CTNND2: variants seen among roughly 807,000 people sequenced by gnomAD.
CTNND2 encodes the protein catenin delta 2.
A neutral mutation model predicts 144.4 loss-of-function variants in CTNND2; 22 were observed. That is an observed-to-expected ratio of 0.15 (90% CI 0.11 to 0.22). CTNND2 has a LOEUF of 0.22. CTNND2 is among the 10% of genes least tolerant of loss of function. The pLI, the probability that CTNND2 is intolerant of heterozygous loss-of-function variation, is 1.00. For synonymous variants in CTNND2, 751 were observed against 695.6 expected (o/e 1.08, Z -1.25); for missense variants, 1,353 against 1,618.8 (o/e 0.84, Z 2.82).
chr5:11,610,037 A>G (rs2126375206), intron 2 of CTNND2, among the ~76,000 whole-genome samples: 1 of 152,354 alleles, frequency 6.6e-6, no homozygotes, highest in East Asian at 1.9e-4. Context: ...ATGTTGATTT[A>G]TGACAACAAT....
At chr5:11,284,320 T>C (rs1324797823) in intron 9 of CTNND2, among the ~76,000 whole-genome samples, 4 of 152,136 alleles carry the variant, frequency 2.6e-5, no homozygotes, top group Non-Finnish European at 5.9e-5. Flanking sequence ...TTGTTACATA[T>C]GTAAATGTGT....
intron 9 of CTNND2, among the ~76,000 whole-genome samples, chr5:11,338,911 A>C (rs1561242767): frequency 6.7e-6 from 1 of 148,720 alleles, no homozygotes; most frequent in Non-Finnish European, 1.5e-5. Context: ...AGGGCTGAGT[A>C]CACAGTTCCT....
At chr5:11,023,359 A>T (rs1742491836) in intron 16 of CTNND2, among the ~76,000 whole-genome samples, 1 of 152,248 alleles carries the variant, frequency 6.6e-6, no homozygotes, top group African/African-American at 2.4e-5. Flanking sequence ...CTCCATAGGT[A>T]TTAGCTATTA....
intron 1 of CTNND2, among the ~76,000 whole-genome samples, chr5:11,836,367 A>C (rs1288720935): frequency 2.0e-5 from 3 of 152,196 alleles, no homozygotes; most frequent in Non-Finnish European, 4.4e-5. Context: ...AGAACCACAT[A>C]CTACTCTTTG....
chr5:11,483,489 G>A (rs1437065879), intron 3 of CTNND2, among the ~76,000 whole-genome samples: 1 of 152,110 alleles, frequency 6.6e-6, no homozygotes, highest in African/African-American at 2.4e-5. Flanking sequence ...AAAGTTAGAG[G>A]GTACCCAACT....
chr5:10,999,945 C>T (rs907496642), intron 18 of CTNND2, among the ~76,000 whole-genome samples: 2 of 152,172 alleles, frequency 1.3e-5, no homozygotes, highest in Admixed American at 6.5e-5. Context: ...GACAATCGGG[C>T]GATGTTCATC....
intron 3 of CTNND2, among the ~76,000 whole-genome samples, chr5:11,538,119 T>C (rs1774391286): frequency 6.6e-6 from 1 of 152,208 alleles, no homozygotes. Flanking sequence ...AATAGCAAAC[T>C]AGCATTTTGT....
intron 21 of CTNND2, among the ~76,000 whole-genome samples, chr5:10,979,028 C>A (rs1305315739): frequency 6.6e-6 from 1 of 152,120 alleles, no homozygotes; most frequent in African/African-American, 2.4e-5. Context: ...AATGCCAACT[C>A]CCGGGGAAGG....
At chr5:11,473,276 G>A (rs1044439133) in intron 3 of CTNND2, among the ~76,000 whole-genome samples, 1 of 152,146 alleles carries the variant, frequency 6.6e-6, no homozygotes, top group Admixed American at 6.5e-5. Flanking sequence ...CTGGGAGTGG[G>A]GAGAGAGAAA....
chr5:11,218,589 A>T (rs1478566115), intron 10 of CTNND2, among the ~76,000 whole-genome samples: 1 of 152,204 alleles, frequency 6.6e-6, no homozygotes, highest in East Asian at 1.9e-4. Flanking sequence ...GGCATTTTTC[A>T]TATGGATGAC....
chr5:11,874,664 G>C (rs758054394), intron 1 of CTNND2, among the ~76,000 whole-genome samples: 8 of 152,162 alleles, frequency 5.3e-5, no homozygotes, highest in Admixed American at 1.3e-4. Flanking sequence ...GGGACAGCGA[G>C]ATTTCAGCAT....
intron 1 of CTNND2, among the ~76,000 whole-genome samples, chr5:11,891,424 C>T (rs997769682): frequency 3.3e-5 from 5 of 152,184 alleles, no homozygotes; most frequent in African/African-American, 1.2e-4. Flanking sequence ...TGGTTTCATC[C>T]TGTGGTCTCT....
At chr5:11,586,897 T>A (rs1221995022) in intron 2 of CTNND2, among the ~76,000 whole-genome samples, 1 of 152,088 alleles carries the variant, frequency 6.6e-6, no homozygotes, top group African/African-American at 2.4e-5. Context: ...AAGGGCCTAC[T>A]TAGTATGTTT....
intron 18 of CTNND2, among the ~76,000 whole-genome samples, chr5:11,003,291 G>C (rs895287545): frequency 1.3e-4 from 20 of 152,122 alleles, no homozygotes; most frequent in African/African-American, 4.8e-4. Flanking sequence ...TCAGGGCTTA[G>C]TACTTACATT....
chr5:11,592,112 C>T (rs1206308268), intron 2 of CTNND2, among the ~76,000 whole-genome samples: 1 of 149,798 alleles, frequency 6.7e-6, no homozygotes, highest in Non-Finnish European at 1.5e-5. Context: ...ACCTATCTAC[C>T]TTCCTTCCTT....
chr5:11,615,455 A>AT (rs1389190106), intron 2 of CTNND2, among the ~76,000 whole-genome samples: 2 of 152,250 alleles, frequency 1.3e-5, no homozygotes, highest in Non-Finnish European at 2.9e-5. Context: ...TCAAATAAGC[A>AT]TTTTAGCATG....
At chr5:10,993,917 G>A (rs546492706) in intron 18 of CTNND2, among the ~76,000 whole-genome samples, 5 of 151,830 alleles carry the variant, frequency 3.3e-5, no homozygotes, top group Admixed American at 6.6e-5. Context: ...CCCCTTAAAA[G>A]TCTAAATATT....
chr5:11,099,543 C>T (rs1751672811), intron 14 of CTNND2, among the ~76,000 whole-genome samples: 1 of 152,120 alleles, frequency 6.6e-6, no homozygotes, highest in Non-Finnish European at 1.5e-5. Flanking sequence ...ATGAGCAAAG[C>T]AGGATGCAAA....
intron 11 of CTNND2, among the ~76,000 whole-genome samples, chr5:11,180,799 A>T (rs1401571687): frequency 6.6e-6 from 1 of 152,244 alleles, no homozygotes; most frequent in Non-Finnish European, 1.5e-5. Context: ...ACTGAAATAC[A>T]TCACTCCTAA....
Sources: gnomAD v4.1 joint callset for allele counts (sites outside exome capture counted in the v4.1 genomes callset) on GRCh38, gnomAD v4.1.1 for gene constraint, MANE v1.5 for transcripts, NCBI Gene and HGNC (gene_info 2026-07-23, HGNC 2026-07-21) for gene names.